CLIC5: variants seen among roughly 807,000 people sequenced by gnomAD.
CLIC5 encodes the protein CLIC family member 5, also known as chloride intracellular channel protein 5.
Under a neutral mutation model 24.7 loss-of-function variants are expected in CLIC5, and 20 were observed. The ratio of observed to expected loss-of-function variants is 0.81; its 90% CI spans 0.57 to 1.18. The LOEUF (loss-of-function observed/expected upper bound fraction) is 1.18, where lower values mean the gene tolerates loss of function less well. Among genes scored for constraint, CLIC5 ranks in the 50% most tolerant of loss-of-function variants. The pLI is 0.00. For missense variants in CLIC5, 341 were observed against 326.1 expected (o/e 1.05, Z -0.35); for synonymous variants, 159 against 135.6 (o/e 1.17, Z -1.20).
At chr6:46,119,937 G>C in the CLIC5 span, among the ~76,000 whole-genome samples, 1 of 152,324 alleles carries the variant, frequency 6.6e-6, no homozygotes, top group South Asian at 2.1e-4. Context: ...CAGCCAGGAA[G>C]CTGGAACTGG....
chr6:45,976,464 T>C (rs1244470426), intron 1 of CLIC5, among the ~76,000 whole-genome samples: 1 of 152,164 alleles, frequency 6.6e-6, no homozygotes, highest in Non-Finnish European at 1.5e-5. Flanking sequence ...GATGAGTTGG[T>C]CACTCTATGT....
the CLIC5 span, among the ~76,000 whole-genome samples, chr6:46,124,198 G>C: frequency 6.6e-6 from 1 of 152,202 alleles, no homozygotes; most frequent in African/African-American, 2.4e-5. Context: ...CAAGGCTACA[G>C]TAACCAAAAC....
chr6:46,100,127 T>C, the CLIC5 span, among the ~76,000 whole-genome samples: 1 of 152,202 alleles, frequency 6.6e-6, no homozygotes, highest in African/African-American at 2.4e-5. Context: ...CACTATGATA[T>C]GTATCAGTTA....
chr6:45,886,226 G>A (rs928474379), intron 6 of CLIC5, among the ~76,000 whole-genome samples: 1 of 152,142 alleles, frequency 6.6e-6, no homozygotes, highest in East Asian at 1.9e-4. Context: ...CAGAAATCTT[G>A]AAAAACTCCC....
At chr6:45,995,608 T>G (rs970380898) in intron 1 of CLIC5, among the ~76,000 whole-genome samples, 13 of 152,354 alleles carry the variant, frequency 8.5e-5, no homozygotes, top group Admixed American at 3.9e-4. Context: ...AAATAAATCT[T>G]TGGTGCTAAA....
At chr6:46,028,374 C>T (rs1029948639) in intron 1 of CLIC5, among the ~76,000 whole-genome samples, 1 of 152,192 alleles carries the variant, frequency 6.6e-6, no homozygotes, top group African/African-American at 2.4e-5. Context: ...TGGAGTCATT[C>T]ACCACTGGGT....
chr6:46,038,142 C>A (rs6906803), intron 1 of CLIC5, among the ~76,000 whole-genome samples: 20,473 of 152,048 alleles, frequency 0.13, 1,478 homozygotes, highest in African/African-American at 0.16. Context: ...AGAAGGGACC[C>A]AGGAGCTCAC....
intron 1 of CLIC5, among the ~76,000 whole-genome samples, chr6:46,024,350 G>C (rs1238560764): frequency 6.6e-6 from 1 of 152,122 alleles, no homozygotes; most frequent in East Asian, 1.9e-4. Context: ...CACAGTGATT[G>C]GTTCAAAATG....
chr6:46,015,425 G>A (rs1255960055), intron 1 of CLIC5, 55 bp downstream of exon 1: 13 of 1,463,174 alleles, frequency 8.9e-6, no homozygotes, highest in African/African-American at 7.2e-5. Context: ...AGCCCTGGTG[G>A]GTGAGCCCGG....
At chr6:45,915,909 A>AT (rs767840709) in intron 4 of CLIC5, among the ~76,000 whole-genome samples, 59 of 152,176 alleles carry the variant, frequency 3.9e-4, no homozygotes, top group Non-Finnish European at 7.6e-4. Flanking sequence ...CATCAGCCCC[A>AT]TCCCCAGACT....
chr6:45,976,858 C>G (rs1322319147), intron 1 of CLIC5, among the ~76,000 whole-genome samples: 1 of 152,166 alleles, frequency 6.6e-6, no homozygotes, highest in African/African-American at 2.4e-5. Flanking sequence ...GAAAATAACA[C>G]TAACAACAAC....
chr6:46,034,532 T>C (rs1013398946), intron 1 of CLIC5, among the ~76,000 whole-genome samples: 1 of 152,110 alleles, frequency 6.6e-6, no homozygotes, highest in African/African-American at 2.4e-5. Context: ...AGCCCAGGAG[T>C]TCAAGTCTGC....
intron 2 of CLIC5, among the ~76,000 whole-genome samples, chr6:45,953,082 A>G (rs1764524221): frequency 6.6e-6 from 1 of 152,176 alleles, no homozygotes; most frequent in Non-Finnish European, 1.5e-5. Flanking sequence ...TAACTGAGGT[A>G]TTATGAAGAG....
intron 1 of CLIC5, among the ~76,000 whole-genome samples, chr6:45,996,798 A>G (rs1195264132): frequency 1.3e-5 from 2 of 152,026 alleles, no homozygotes; most frequent in Admixed American, 1.3e-4. Flanking sequence ...TCAAAACCAC[A>G]ATGAGATACC....
intron 4 of CLIC5, among the ~76,000 whole-genome samples, chr6:45,915,106 T>C (rs1360753127): frequency 2.0e-5 from 3 of 151,332 alleles, no homozygotes; most frequent in Non-Finnish European, 4.4e-5. Context: ...ATTTTTGTAT[T>C]TTTAGTAGAG....
chr6:45,885,682 G>A (rs1200452622), intron 6 of CLIC5, among the ~76,000 whole-genome samples: 1 of 152,184 alleles, frequency 6.6e-6, no homozygotes. Flanking sequence ...AGGAAAGGCT[G>A]ATTGATGAAA....
At chr6:45,985,181 C>T (rs1369506565) in intron 1 of CLIC5, among the ~76,000 whole-genome samples, 1 of 152,192 alleles carries the variant, frequency 6.6e-6, no homozygotes, top group East Asian at 1.9e-4. Flanking sequence ...AAGAAAGAGC[C>T]TGGCCCCTCT....
intron 1 of CLIC5, among the ~76,000 whole-genome samples, chr6:46,064,522 A>C (rs1314672529): frequency 2.0e-5 from 3 of 152,206 alleles, no homozygotes. Flanking sequence ...ATTGTAGCAA[A>C]TCAAATCTAG....
the CLIC5 span, among the ~76,000 whole-genome samples, chr6:46,106,450 C>T: frequency 2.6e-5 from 4 of 152,140 alleles, no homozygotes; most frequent in Non-Finnish European, 5.9e-5. Context: ...TCCAGCTGTG[C>T]CTGCTTTTCA....
Sources: allele counts gnomAD v4.1 joint callset (sites outside exome capture counted in the v4.1 genomes callset), GRCh38; gene constraint gnomAD v4.1.1; transcripts MANE v1.5; gene names NCBI Gene and HGNC (gene_info 2026-07-23, HGNC 2026-07-21).